Variants in SYNE2 observed in about 807,000 individuals in gnomAD.
SYNE2 encodes the protein spectrin repeat containing nuclear envelope protein 2.
SYNE2 carries 431 observed loss-of-function variants against 856.3 expected under a neutral mutation model. The ratio of observed to expected loss-of-function variants is 0.50; its 90% CI spans 0.47 to 0.55. The LOEUF (loss-of-function observed/expected upper bound fraction) is 0.55. Ranked by LOEUF, SYNE2 falls within the 20% of genes least tolerant of loss-of-function variation. The probability of loss-of-function intolerance (pLI) is 0.00; values close to 1 mark genes in which losing one functional copy is unlikely to be tolerated. For synonymous variants in SYNE2, 2,923 were observed against 2,872.3 expected, an observed-to-expected ratio of 1.02 and a Z score of -0.56; for missense variants, 8,129 against 8,023.2, an observed-to-expected ratio of 1.01 and a Z score of -0.50.
At chr14:64,187,479 T>C (rs569399044) in intron 97 of SYNE2, among the ~76,000 whole-genome samples, 1 of 152,332 alleles carries the variant, frequency 6.6e-6, no homozygotes, top group Middle Eastern at 3.4e-3. Context: ...GTTACTATTA[T>C]GAAATCAATC....
At chr14:63,978,673 A>G (rs1268814821) in intron 13 of SYNE2, among the ~76,000 whole-genome samples, 179 bp from the exon 14 acceptor site, 1 of 152,204 alleles carries the variant, frequency 6.6e-6, no homozygotes, top group Non-Finnish European at 1.5e-5. Context: ...TGGTTGTTGT[A>G]TACCTAGTCA....
rs768004294 is a variant in SYNE2 at position 63,980,702 on chromosome 14, C to A, written c.1618C>A (p.Gln540Lys). The change falls in exon 15 of 116, where the codon CAA (glutamine) becomes AAA (lysine). Residue 540 changes from glutamine to lysine, a missense_variant. Coordinates refer to ENST00000555002, the MANE Select transcript of SYNE2 (RefSeq NM_182914.3). ...CCTAGCTCGACTTGATACTTCTTTT[C>A]AAAAATGTGGAGAAATTTATAAGAA... ...EFLARLDTSF[Q>K]KCGEIYKNLA... 2.0e-5 allele frequency: 32 copies of A among 1,606,684 alleles called. No individual in the cohort carries two copies. The South Asian group carries it at 3.1e-4, about 15-fold the overall frequency.
intron 7 of SYNE2, among the ~76,000 whole-genome samples, chr14:63,950,324 C>T (rs1284095151): frequency 2.0e-5 from 3 of 152,078 alleles, no homozygotes; most frequent in Admixed American, 6.6e-5. Flanking sequence ...GAGGCTGAGG[C>T]GGGTAGATCA....
At position 64,074,123 on chromosome 14, in the gene SYNE2, C is replaced by G. The variant is rs1402435148; in HGVS notation, c.10853C>G (p.Ser3618Ter). 2 of 1,613,996 alleles carry G rather than the reference C, an allele frequency of 1.2e-6. No homozygotes were observed. The highest frequency in any genetic ancestry group is 1.7e-6 in the Non-Finnish European group (2 of 1,180,002). ...NMAFQDHPEK[S>*]EQFEELQSIL... ...GCATTCCAGGATCACCCAGAAAAGT[C>G]AGAACAATTTGAGGTAAGTGAGGAA... The change falls in exon 53 of 116, where the codon TCA becomes TGA. Residue 3618 changes from serine to a stop codon, truncating the protein, a stop_gained. Coordinates refer to ENST00000555002, the MANE Select transcript of SYNE2 (RefSeq NM_182914.3). LOFTEE classifies it high-confidence loss of function.
chr14:64,026,516 G>A (rs2096980069), intron 41 of SYNE2, 63 bp from the exon 42 acceptor site: 1 of 1,285,758 alleles, frequency 7.8e-7, no homozygotes, highest in South Asian at 1.2e-5. Context: ...CAAATAAAGA[G>A]ATAGCATGTA....
Position 63,997,650 on chromosome 14 carries a change from A to G in SYNE2, c.3243+259A>G, listed in dbSNP as rs1372661902. ...CAGAGACCCTTTTGAACCATTATGA[A>G]TACTGATTATCTGTGTATATTGTTA... is the stretch of plus-strand genomic sequence containing the variant. On this transcript the variant is annotated intron_variant, in intron 25 of 115. Transcript: ENST00000555002. Among the ~76,000 whole-genome samples, 4 of 152,280 alleles carry G rather than the reference A, an allele frequency of 2.6e-5. No homozygotes were observed. In the East Asian group the frequency reaches 7.7e-4, roughly 29 times the overall value.
chr14:64,090,802 A>C, intron 59 of SYNE2, 64 bp from the exon 60 acceptor site: 1 of 1,388,810 alleles, frequency 7.2e-7, no homozygotes, highest in Non-Finnish European at 1.0e-6. Flanking sequence ...AATTTTGAAT[A>C]ATTAAATTTA....
At chr14:64,102,697 A>G (rs2097742667) in intron 64 of SYNE2, among the ~76,000 whole-genome samples, 1 of 151,902 alleles carries the variant, frequency 6.6e-6, no homozygotes, top group African/African-American at 2.4e-5. Context: ...TAAGTATACA[A>G]TACATTATTA....
chr14:64,017,328 CAAAAAAAA>C (rs34399201), intron 33 of SYNE2, among the ~76,000 whole-genome samples: 168 of 66,620 alleles, frequency 2.5e-3, no homozygotes, highest in Non-Finnish European at 3.3e-3. Context: ...GACTCCATCT[CAAAAAAAA>C]AAAAAAAAAA....
chr14:64,191,107 G>T, intron 99 of SYNE2: 1 of 638,630 alleles, frequency 1.6e-6, no homozygotes, highest in Non-Finnish European at 2.9e-6. Flanking sequence ...ATAAAGAATT[G>T]GGAGGTGATA....
At chr14:63,974,892 G>GTGTGTGTATATATATATATATATATA (rs1375697679) in intron 11 of SYNE2, among the ~76,000 whole-genome samples, 7 of 67,328 alleles carry the variant, frequency 1.0e-4, no homozygotes, top group South Asian at 8.6e-4. Flanking sequence ...GTGTGTGTGT[G>GTGTGTGTATATATATATATATATATA]TATATATATA....
chr14:64,089,764 T>G, intron 59 of SYNE2, 68 bp downstream of exon 59: 1 of 1,316,632 alleles, frequency 7.6e-7, no homozygotes, highest in Non-Finnish European at 1.1e-6. Flanking sequence ...AAATATAATA[T>G]AATGTGATTT....
intron 1 of SYNE2, among the ~76,000 whole-genome samples, chr14:63,780,688 A>G (rs973603506): frequency 6.6e-6 from 1 of 152,134 alleles, no homozygotes; most frequent in Admixed American, 6.6e-5. Context: ...CTAAAATATA[A>G]AACTGTTTGA....
chr14:63,823,021 T>C (rs1332328340), intron 1 of SYNE2, among the ~76,000 whole-genome samples: 1 of 151,876 alleles, frequency 6.6e-6, no homozygotes, highest in African/African-American at 2.4e-5. Flanking sequence ...GGAAGATCCC[T>C]TGGGCCTAGG....
chr14:64,003,434 C>G (rs1003699842), intron 30 of SYNE2, 104 bp downstream of exon 30: 18 of 1,401,312 alleles, frequency 1.3e-5, no homozygotes, highest in Non-Finnish European at 1.7e-5. Flanking sequence ...TGCTTCTATT[C>G]CATCCCACTC....
intron 18 of SYNE2, among the ~76,000 whole-genome samples, chr14:63,985,444 C>A (rs1383054330): frequency 2.0e-5 from 3 of 151,468 alleles, no homozygotes; most frequent in Non-Finnish European, 4.4e-5. Flanking sequence ...TATAGTATGT[C>A]AACCTATAGA....
At chr14:64,143,687 G>C (rs2098158938) in intron 82 of SYNE2, 85 bp from the exon 83 acceptor site, 3 of 1,434,048 alleles carry the variant, frequency 2.1e-6, no homozygotes, top group Non-Finnish European at 2.9e-6. Context: ...CGGGAGCTTG[G>C]TGCCCCCTCG....
chr14:64,141,642 A>G, intron 81 of SYNE2, 119 bp downstream of exon 81: 1 of 1,135,622 alleles, frequency 8.8e-7, no homozygotes, highest in Admixed American at 2.0e-5. Context: ...CTCTGGCACC[A>G]CTGAATATAA....
At chr14:64,214,562 G>A in intron 106 of SYNE2, 92 bp downstream of exon 106, 2 of 1,311,218 alleles carry the variant, frequency 1.5e-6, no homozygotes, top group Admixed American at 2.0e-5. Context: ...ATGACCAAGA[G>A]TCCATCTTGT....
Sources: allele counts gnomAD v4.1 joint callset (sites outside exome capture counted in the v4.1 genomes callset), GRCh38; gene constraint gnomAD v4.1.1; transcripts MANE v1.5; gene names NCBI Gene and HGNC (gene_info 2026-07-23, HGNC 2026-07-21).